WNK1: variants seen among roughly 807,000 people sequenced by gnomAD.
WNK1 encodes the protein serine/threonine-protein kinase WNK1.
WNK1 carries 38 observed loss-of-function variants against 222.8 expected under a neutral mutation model. The observed-to-expected ratio is 0.17, with a 90% CI of 0.13 to 0.22. The LOEUF is 0.22. WNK1 is among the 10% of genes least tolerant of loss of function. The probability of loss-of-function intolerance (pLI) is 1.00; values close to 1 mark genes in which losing one functional copy is unlikely to be tolerated. For missense variants in WNK1, 2,348 were observed against 2,918.4 expected, an observed-to-expected ratio of 0.80 and a Z score of 4.50; for synonymous variants, 1,090 against 1,092.9, an observed-to-expected ratio of 1.00 and a Z score of 0.05.
rs943052887 is a variant in WNK1 at position 851,368 on chromosome 12, G to T, written c.1312-5793G>T. 3 of 1,059,546 alleles carry T rather than the reference G, an allele frequency of 2.8e-6. No homozygotes were observed. In the East Asian group the frequency reaches 2.2e-4, roughly 77 times the overall value. The allele number at this position is 1,059,546 out of a possible 1,614,324, so 65.6% of individuals were successfully genotyped here. On this transcript the variant is annotated intron_variant, in intron 4 of 27. Coordinates refer to ENST00000315939, the MANE Select transcript of WNK1 (RefSeq NM_018979.4). ...TAGGTCCAGGAGATAGAAACTGTGC[G>T]CAAAGTAGGTGGAGCATTGAGCAAG...
At chr12:765,264 C>T (rs1316753835) in intron 1 of WNK1, among the ~76,000 whole-genome samples, 1 of 147,914 alleles carries the variant, frequency 6.8e-6, no homozygotes, top group African/African-American at 2.4e-5. Flanking sequence ...AGAACATTTT[C>T]AGGCTGGGCA....
In WNK1 at chr12:773,584, G is replaced by A. The variant is rs538235245; in HGVS notation, c.759+19260G>A. 9.2e-5 allele frequency among the ~76,000 whole-genome samples: 14 copies of A among 152,190 alleles called. No individual in the cohort carries two copies. In the East Asian group the frequency reaches 2.1e-3, roughly 23 times the overall value. Reference sequence around the variant, plus strand: ...AGTTTCATCACTAAAAGACAATGTCGATATAGCATTTAGAATGTTTGCCTG... The same window carrying A: ...AGTTTCATCACTAAAAGACAATGTCAATATAGCATTTAGAATGTTTGCCTG... On this transcript the variant is annotated intron_variant, in intron 1 of 27. Coordinates refer to ENST00000315939, the MANE Select transcript of WNK1 (RefSeq NM_018979.4).
intron 10 of WNK1, 59 bp from the exon 11 acceptor site, chr12:879,514 T>TTTTTTTTTTTTTTTTTTTTTTTTATTTTG: frequency 2.3e-5 from 1 of 43,858 alleles, no homozygotes; most frequent in Non-Finnish European, 4.7e-5. Flanking sequence ...GCAGCCTTGC[T>TTTTTTTTTTTTTTTTTTTTTTTTATTTTG]TTTTTTTTTT....
At chr12:894,213 A>G (rs1203211189) in intron 22 of WNK1, among the ~76,000 whole-genome samples, 1 of 152,224 alleles carries the variant, frequency 6.6e-6, no homozygotes, top group Non-Finnish European at 1.5e-5. Flanking sequence ...GCGAAACTCC[A>G]TCTCAATAAA....
In WNK1 at chr12:795,423, T is replaced by C. The variant is rs1269897279; in HGVS notation, c.760-18219T>C. On this transcript the variant is annotated intron_variant, in intron 1 of 27. Transcript: ENST00000315939. ...GCGGGGCCAGCTGGAGGTAATTGAATCATGGGGGCCGTTTCCTCCATACTG... is the reference window on the plus strand; with the variant it reads ...GCGGGGCCAGCTGGAGGTAATTGAACCATGGGGGCCGTTTCCTCCATACTG... 2.0e-5 allele frequency among the ~76,000 whole-genome samples: 3 copies of C among 150,872 alleles called. No homozygotes were observed. In the East Asian group the frequency reaches 5.9e-4, roughly 30 times the overall value.
At position 896,717 on chromosome 12, in the gene WNK1, G is replaced by T; in HGVS notation, c.6230G>T (p.Arg2077Leu). 1 of 1,607,198 alleles carries T rather than the reference G, an allele frequency of 6.2e-7. No homozygotes were observed. The highest frequency in any genetic ancestry group is 8.5e-7 in the Non-Finnish European group (1 of 1,178,924). ...GATGAAGACTTAAAGTTAGAGCTGC[G>T]ACGACTACGAGATAAGTAAGTATAT... ...IEDEDLKLELRRLRDKHLKEI... is the reference protein window; with the variant it reads ...IEDEDLKLELLRLRDKHLKEI... Residue 2077 changes from arginine (R) to leucine (L), a missense_variant, in exon 24 of 28, where the codon CGA becomes CTA. Arg to Leu is a moderately radical substitution (Grantham distance 102). Transcript: ENST00000315939.
chr12:868,304 C>T lies in WNK1; in HGVS notation c.2140-2961C>T, dbSNP rs185749579. 1.2e-4 allele frequency: 187 copies of T among 1,609,958 alleles called. No individual in the cohort carries two copies. The highest frequency in any genetic ancestry group is 1.4e-4 in the Non-Finnish European group (170 of 1,177,800). ...TGTAGCTGGGGTACATTACCAGGCC[C>T]GGGTGGCAGAACAGTATGAGGGCAT... is the stretch of plus-strand genomic sequence containing the variant. On this transcript the variant is annotated intron_variant, in intron 8 of 27. Coordinates refer to ENST00000315939, the MANE Select transcript of WNK1 (RefSeq NM_018979.4).
At chr12:900,754 G>A (rs1283472203) in intron 26 of WNK1, 84 bp downstream of exon 26, 2 of 1,526,030 alleles carry the variant, frequency 1.3e-6, no homozygotes, top group Non-Finnish European at 1.8e-6. Context: ...AGGCGGGTTG[G>A]GAGACTAGCT....
intron 10 of WNK1, among the ~76,000 whole-genome samples, chr12:878,915 C>A (rs1023486014): frequency 6.6e-6 from 1 of 151,770 alleles, no homozygotes; most frequent in African/African-American, 2.4e-5. Flanking sequence ...TGTATTGTTA[C>A]CCTAATATTT....
intron 25 of WNK1, among the ~76,000 whole-genome samples, chr12:899,319 T>TTTTTG (rs1362148235): frequency 1.3e-5 from 2 of 152,120 alleles, no homozygotes; most frequent in Admixed American, 1.3e-4. Flanking sequence ...TTTGTTTTTG[T>TTTTTG]TTTTTTGAGG....
chr12:890,769 G>A lies in WNK1; in HGVS notation c.5509+256G>A, dbSNP rs111891061. On this transcript the variant is annotated intron_variant, in intron 22 of 27. Coordinates refer to ENST00000315939, the MANE Select transcript of WNK1 (RefSeq NM_018979.4). ...CCAGATCCTTGCTATTAGAGATTAGGAAATTAAAGCATACTGTATTTAGAA... is the reference window on the plus strand; with the variant it reads ...CCAGATCCTTGCTATTAGAGATTAGAAAATTAAAGCATACTGTATTTAGAA... Among the ~76,000 whole-genome samples the A allele has an allele frequency of 3.3e-4, 50 of 152,234 alleles. 3 individuals are homozygous for A. Among genetic ancestry groups the A allele is most frequent in the African/African-American group, 1.2e-3 (48 of 41,538 alleles).
intron 15 of WNK1, 49 bp from the exon 16 acceptor site, chr12:883,346 A>G (rs1339055035): frequency 1.2e-6 from 2 of 1,601,948 alleles, no homozygotes; most frequent in African/African-American, 2.7e-5. Flanking sequence ...AAGTGACATA[A>G]AGTTTGAGAA....
intron 20 of WNK1, among the ~76,000 whole-genome samples, chr12:888,667 G>A (rs10849578): frequency 0.53 from 81,177 of 151,956 alleles, 21,878 homozygotes; most frequent in Middle Eastern, 0.67. Context: ...GTAAGAAAGA[G>A]GAAAATAATA....
Position 896,075 on chromosome 12 carries a change from C to T in WNK1, c.5588C>T (p.Ser1863Phe), listed in dbSNP as rs762180270. The change falls in exon 24 of 28, where the codon TCT becomes TTT. Residue 1863 changes from serine to phenylalanine, a missense_variant. By Grantham distance (155) the Ser-to-Phe change is radical. Around this residue, in one of 13 missense-constraint regions of WNK1, gnomAD observed 1,144 missense variants for 1,273.6 expected, o/e 0.90. Transcript: ENST00000315939. ...GVFKMGRFQV[S>F]VAADGAQKEG... Reference sequence around the variant, plus strand: ...ATCTTTGTCCTTTTTTATCAGGTTTCTGTTGCAGCAGACGGTGCCCAGAAA... The same window carrying T: ...ATCTTTGTCCTTTTTTATCAGGTTTTTGTTGCAGCAGACGGTGCCCAGAAA... 1.9e-5 allele frequency: 30 copies of T among 1,614,008 alleles called. No homozygotes were observed. In the South Asian group the frequency reaches 3.1e-4, roughly 17 times the overall value.
At chr12:878,981 T>C (rs1952877188) in intron 10 of WNK1, among the ~76,000 whole-genome samples, 1 of 152,162 alleles carries the variant, frequency 6.6e-6, no homozygotes, top group African/African-American at 2.4e-5. Context: ...TGTACCACAT[T>C]ATCAGTTATA....
At position 754,184 on chromosome 12, in the gene WNK1, C is replaced by T. The variant is rs1370004444; in HGVS notation, c.619C>T (p.Leu207=). Residue 207 remains leucine, a synonymous_variant, in exon 1 of 28, where the codon CTG becomes TTG. Coordinates refer to ENST00000315939, the MANE Select transcript of WNK1 (RefSeq NM_018979.4). ...RSQQQDDIEE[L]ETKAVGMSND... ...CCAGCAGCAGGATGATATCGAAGAG[C>T]TGGAGACCAAGGCCGTGGGAATGTC... 3 of 1,613,652 alleles carry T rather than the reference C, an allele frequency of 1.9e-6. No individual in the cohort carries two copies. Among genetic ancestry groups the T allele is most frequent in the Admixed American group, 1.7e-5 (1 of 60,032 alleles).
At position 868,180 on chromosome 12, in the gene WNK1, C is replaced by T. The variant is rs1329090266; in HGVS notation, c.2140-3085C>T. The stretch of plus-strand genomic sequence containing the variant: ...CTGGAGAGTCATGTGAGATACAGGT[C>T]CATCCTATGTTTGAACCATCTCAAG... On this transcript the variant is annotated intron_variant, in intron 8 of 27. Coordinates refer to ENST00000315939, the MANE Select transcript of WNK1 (RefSeq NM_018979.4). 1 of 1,613,904 alleles carries T rather than the reference C, an allele frequency of 6.2e-7. No individual in the cohort carries two copies. Among genetic ancestry groups the T allele is most frequent in the African/African-American group, 1.3e-5 (1 of 75,038 alleles).
intron 4 of WNK1, among the ~76,000 whole-genome samples, chr12:844,157 G>T (rs1440904205): frequency 1.3e-5 from 2 of 150,930 alleles, no homozygotes; most frequent in East Asian, 1.9e-4. Context: ...TTTGAGACGG[G>T]GTCTTGCTCT....
intron 1 of WNK1, among the ~76,000 whole-genome samples, chr12:791,561 TA>T (rs11357307): frequency 0.63 from 93,812 of 148,504 alleles, 30,106 homozygotes; most frequent in East Asian, 0.86. Flanking sequence ...GCTTCTTTTT[TA>T]AAAAAAAAAA....
Sources: gnomAD v4.1 joint callset for allele counts (sites outside exome capture counted in the v4.1 genomes callset) on GRCh38, gnomAD v4.1.1 for gene constraint, gnomAD v4.1.1 regional missense constraint, MANE v1.5 for transcripts, NCBI Gene and HGNC (gene_info 2026-07-23, HGNC 2026-07-21) for gene names.